GPC5: variants seen among roughly 807,000 people sequenced by gnomAD.
GPC5 encodes glypican-5.
In GPC5, 47 loss-of-function variants were observed where a neutral mutation model predicts 53.9. The ratio of observed to expected loss-of-function variants is 0.87; its 90% CI spans 0.69 to 1.11. The LOEUF (loss-of-function observed/expected upper bound fraction) is 1.11. GPC5 is among the 50% of genes most tolerant of loss of function. The probability of loss-of-function intolerance (pLI) is 0.00; values close to 1 mark genes in which losing one functional copy is unlikely to be tolerated. For synonymous variants in GPC5, 286 were observed against 263.3 expected, an observed-to-expected ratio of 1.09 and a Z score of -0.84; for missense variants, 748 against 713.1, an observed-to-expected ratio of 1.05 and a Z score of -0.56.
intron 7 of GPC5, among the ~76,000 whole-genome samples, chr13:92,359,494 T>A (rs2043548580): frequency 1.3e-5 from 2 of 151,840 alleles, no homozygotes; most frequent in Admixed American, 6.5e-5. Context: ...CATTTTCAGA[T>A]GTCTTTATAG....
At chr13:92,803,995 G>A (rs1877003994) in intron 7 of GPC5, among the ~76,000 whole-genome samples, 1 of 152,002 alleles carries the variant, frequency 6.6e-6, no homozygotes, top group Non-Finnish European at 1.5e-5. Flanking sequence ...AAGTTATGGT[G>A]TAGATGACTG....
At chr13:92,400,057 C>T (rs1714947355) in intron 7 of GPC5, among the ~76,000 whole-genome samples, 1 of 152,108 alleles carries the variant, frequency 6.6e-6, no homozygotes, top group South Asian at 2.1e-4. Context: ...GATGCCATGG[C>T]TTGCTATTTT....
At chr13:92,063,034 T>C (rs1472357411) in intron 6 of GPC5, among the ~76,000 whole-genome samples, 2 of 152,042 alleles carry the variant, frequency 1.3e-5, no homozygotes, top group African/African-American at 2.4e-5. Context: ...TCTGTTCTAC[T>C]TTCAGAAGCA....
chr13:91,983,263 G>A (rs1349473133), intron 6 of GPC5, among the ~76,000 whole-genome samples: 1 of 151,818 alleles, frequency 6.6e-6, no homozygotes, highest in East Asian at 2.0e-4. Flanking sequence ...GGAGAATGGC[G>A]AGAACCCGGG....
Position 92,545,970 on chromosome 13 carries a change from G to A in GPC5, c.1562-320312G>A, listed in dbSNP as rs144200072. On this transcript the variant is annotated intron_variant, in intron 7 of 7. Coordinates refer to ENST00000377067, the MANE Select transcript of GPC5 (RefSeq NM_004466.6). ...TTGGCTTTTGTTGCCATTGCTTTCG[G>A]TGTTTTAGACATGAAGTCCTTACCC... 3.0e-3 allele frequency among the ~76,000 whole-genome samples: 459 copies of A among 152,212 alleles called. 1 individual carries two copies. Among genetic ancestry groups the A allele is most frequent in the East Asian group, 0.01 (53 of 5,164 alleles).
chr13:92,386,736 G>C (rs1874744651), intron 7 of GPC5, among the ~76,000 whole-genome samples: 1 of 151,898 alleles, frequency 6.6e-6, no homozygotes, highest in African/African-American at 2.4e-5. Flanking sequence ...TATTGATTTT[G>C]CATGCTTAAA....
chr13:91,650,045 A>G (rs1012032465), intron 2 of GPC5, among the ~76,000 whole-genome samples: 2 of 150,952 alleles, frequency 1.3e-5, no homozygotes, highest in Non-Finnish European at 2.9e-5. Flanking sequence ...GTAGTGCAAT[A>G]CAAAACTGGA....
rs150056460 is a variant in GPC5, at chr13:91,911,247, C to T, written c.1401+3190C>T. Among the ~76,000 whole-genome samples the T allele has an allele frequency of 3.9e-5, 6 of 152,196 alleles. No homozygotes were observed. The East Asian group carries it at 1.2e-3, about 29-fold the overall frequency. On this transcript the variant is annotated intron_variant, in intron 6 of 7. Coordinates refer to ENST00000377067, the MANE Select transcript of GPC5 (RefSeq NM_004466.6). ...AAGTGGCTAAGAAGTCATTTAAAAA[C>T]TGTAAGCAGAAGCTAGCTGGGTGCA...
intron 7 of GPC5, among the ~76,000 whole-genome samples, chr13:92,312,943 A>C (rs1430657991): frequency 6.6e-6 from 1 of 152,194 alleles, no homozygotes; most frequent in Non-Finnish European, 1.5e-5. Context: ...ATTAATTTCA[A>C]AATGCCTTTT....
chr13:91,659,877 A>G (rs564437818), intron 2 of GPC5, among the ~76,000 whole-genome samples: 156 of 152,326 alleles, frequency 1.0e-3, no homozygotes, highest in African/African-American at 3.0e-3. Flanking sequence ...GTGGAAATAG[A>G]TGAAGACTAC....
intron 5 of GPC5, among the ~76,000 whole-genome samples, chr13:91,879,170 G>A (rs2039237729): frequency 6.6e-6 from 1 of 151,814 alleles, no homozygotes; most frequent in South Asian, 2.1e-4. Context: ...TTAAGTTCTG[G>A]GATACATGTG....
chr13:91,577,915 G>A (rs2032198610), intron 2 of GPC5, among the ~76,000 whole-genome samples: 1 of 152,142 alleles, frequency 6.6e-6, no homozygotes, highest in South Asian at 2.1e-4. Context: ...TCTCCCTTAA[G>A]TATGAGCTGG....
At chr13:91,754,850 G>A (rs1022098654) in intron 4 of GPC5, among the ~76,000 whole-genome samples, 7 of 152,052 alleles carry the variant, frequency 4.6e-5, no homozygotes, top group African/African-American at 1.7e-4. Context: ...AGAGAATAAA[G>A]CCTTTGTTGT....
At chr13:92,832,133 G>T (rs1594536117) in intron 7 of GPC5, among the ~76,000 whole-genome samples, 1 of 152,140 alleles carries the variant, frequency 6.6e-6, no homozygotes, top group Non-Finnish European at 1.5e-5. Context: ...TAATTTTAAT[G>T]ATGGTCTAGA....
At chr13:91,897,335 C>CTG (rs34783532) in intron 5 of GPC5, among the ~76,000 whole-genome samples, 19,493 of 139,258 alleles carry the variant, frequency 0.14, 1,383 homozygotes, top group Non-Finnish European at 0.17. Flanking sequence ...ATAGAGAATG[C>CTG]TGTGTGTGTG....
intron 7 of GPC5, among the ~76,000 whole-genome samples, chr13:92,324,729 T>C (rs1298970736): frequency 2.0e-5 from 3 of 151,920 alleles, no homozygotes; most frequent in Non-Finnish European, 2.9e-5. Flanking sequence ...ATAGCTGTAC[T>C]ATATATCATT....
At chr13:92,338,943 T>G (rs2043344534) in intron 7 of GPC5, among the ~76,000 whole-genome samples, 1 of 152,040 alleles carries the variant, frequency 6.6e-6, no homozygotes, top group Admixed American at 6.6e-5. Flanking sequence ...TAGCACTTAG[T>G]GTGTGATGTT....
intron 7 of GPC5, among the ~76,000 whole-genome samples, chr13:92,382,866 G>A (rs903794486): frequency 2.0e-5 from 3 of 151,942 alleles, no homozygotes; most frequent in Non-Finnish European, 2.9e-5. Flanking sequence ...AGCCAGGCGC[G>A]GTGGCGGGTG....
chr13:92,611,806 G>T lies in GPC5; in HGVS notation c.1562-254476G>T, dbSNP rs566404204. Among the ~76,000 whole-genome samples, 13 of 152,208 alleles carry T rather than the reference G, an allele frequency of 8.5e-5. 1 individual carries two copies. In the South Asian group the frequency reaches 2.3e-3, roughly 27 times the overall value. ...GAACTAAGAAAGTATTTCTAGTACA[G>T]AAAGACATGGTTTTGGTGAATATTT... On this transcript the variant is annotated intron_variant, in intron 7 of 7. Transcript: ENST00000377067.
Sources: allele counts gnomAD v4.1 joint callset (sites outside exome capture counted in the v4.1 genomes callset), GRCh38; gene constraint gnomAD v4.1.1; transcripts MANE v1.5; gene names NCBI Gene and HGNC (gene_info 2026-07-23, HGNC 2026-07-21).